Variants in SEMA6D observed in about 807,000 individuals in gnomAD.
SEMA6D encodes the protein semaphorin 6D.
Under a neutral mutation model 106.6 loss-of-function variants are expected in SEMA6D, and 35 were observed. The ratio of observed to expected loss-of-function variants is 0.33; its 90% CI spans 0.25 to 0.44. The LOEUF is 0.44. SEMA6D is among the 20% of genes least tolerant of loss of function. SEMA6D has a pLI of 1.00. For synonymous variants in SEMA6D, 499 were observed against 487.7 expected (o/e 1.02, Z -0.31); for missense variants, 1,185 against 1,345.9 (o/e 0.88, Z 1.87).
chr15:47,578,224 G>A (rs2076190806), intron 3 of SEMA6D, among the ~76,000 whole-genome samples: 1 of 152,292 alleles, frequency 6.6e-6, no homozygotes, highest in Middle Eastern at 3.4e-3. Flanking sequence ...TTCAGCTAAT[G>A]AGTCTTACAT....
At chr15:47,250,931 G>T (rs1028217269) in intron 1 of SEMA6D, among the ~76,000 whole-genome samples, 3 of 152,208 alleles carry the variant, frequency 2.0e-5, no homozygotes, top group Admixed American at 6.5e-5. Context: ...GGTTTATAAT[G>T]TAGAAAGATA....
chr15:47,277,509 C>CTG (rs1332518698), intron 1 of SEMA6D, among the ~76,000 whole-genome samples: 1 of 151,800 alleles, frequency 6.6e-6, no homozygotes, highest in African/African-American at 2.4e-5. Flanking sequence ...AGCAGAAAGA[C>CTG]TGTGACTCAG....
intron 1 of SEMA6D, among the ~76,000 whole-genome samples, chr15:47,396,965 A>G (rs1292861850): frequency 6.6e-6 from 1 of 152,162 alleles, no homozygotes; most frequent in Non-Finnish European, 1.5e-5. Flanking sequence ...AACCTCCCTT[A>G]CAAAACACAA....
intron 4 of SEMA6D, among the ~76,000 whole-genome samples, chr15:47,637,714 C>T (rs868843885): frequency 1.5e-4 from 23 of 152,168 alleles, no homozygotes; most frequent in Admixed American, 4.6e-4. Context: ...AGTAGTGGCC[C>T]AATACAAGTA....
chr15:47,362,029 T>C (rs1326755418), intron 1 of SEMA6D, among the ~76,000 whole-genome samples: 1 of 152,240 alleles, frequency 6.6e-6, no homozygotes, highest in African/African-American at 2.4e-5. Flanking sequence ...AAATGTGTTC[T>C]CCGTTTATTA....
At chr15:47,376,018 T>C (rs1436653393) in intron 1 of SEMA6D, among the ~76,000 whole-genome samples, 4 of 152,224 alleles carry the variant, frequency 2.6e-5, no homozygotes, top group Non-Finnish European at 4.4e-5. Context: ...AGGAGTATCC[T>C]ATGTAAAGAA....
intron 2 of SEMA6D, among the ~76,000 whole-genome samples, chr15:47,422,170 C>CTA (rs756772096): frequency 7.6e-6 from 1 of 131,852 alleles, no homozygotes; most frequent in African/African-American, 2.7e-5. Context: ...TTTTGCCCGC[C>CTA]CGCCTGCCTG....
chr15:47,713,260 A>C (rs2079053397), upstream of SEMA6D, among the ~76,000 whole-genome samples: 1 of 152,186 alleles, frequency 6.6e-6, no homozygotes, highest in Non-Finnish European at 1.5e-5. Context: ...AATAATCAAA[A>C]TGACTTTAAA....
chr15:47,498,872 A>G (rs1471428546), intron 3 of SEMA6D, among the ~76,000 whole-genome samples: 1 of 152,178 alleles, frequency 6.6e-6, no homozygotes, highest in African/African-American at 2.4e-5. Flanking sequence ...CAGGGTAGAT[A>G]TTCCAGGTAG....
chr15:47,236,927 G>A (rs1157491886), intron 1 of SEMA6D, among the ~76,000 whole-genome samples: 1 of 152,004 alleles, frequency 6.6e-6, no homozygotes, highest in Admixed American at 6.6e-5. Context: ...ATTTCTGAAG[G>A]GATTTGTTTA....
chr15:47,685,179 C>A (rs1487670481), intron 4 of SEMA6D, among the ~76,000 whole-genome samples: 3 of 152,134 alleles, frequency 2.0e-5, no homozygotes, highest in Non-Finnish European at 4.4e-5. Flanking sequence ...CCATTGTGAG[C>A]ATTAAGTATC....
intron 4 of SEMA6D, among the ~76,000 whole-genome samples, chr15:47,651,198 C>T (rs2077683449): frequency 6.6e-6 from 1 of 152,038 alleles, no homozygotes; most frequent in African/African-American, 2.4e-5. Flanking sequence ...TCGCTTGAGG[C>T]CAGGAATATG....
intron 4 of SEMA6D, chr15:47,603,569 T>C (rs2076710259): frequency 6.6e-6 from 1 of 152,104 alleles, no homozygotes; most frequent in Admixed American, 6.6e-5. Context: ...AAAATAAAGA[T>C]GTTACCATCT....
chr15:47,643,536 T>A (rs1216155955), intron 4 of SEMA6D, among the ~76,000 whole-genome samples: 1 of 152,202 alleles, frequency 6.6e-6, no homozygotes, highest in Non-Finnish European at 1.5e-5. Flanking sequence ...ATTCATTTGG[T>A]CTAGCATGGG....
intron 1 of SEMA6D, among the ~76,000 whole-genome samples, chr15:47,229,686 A>G (rs901954575): frequency 5.9e-5 from 9 of 152,090 alleles, no homozygotes; most frequent in African/African-American, 1.4e-4. Context: ...TATTTGCTGG[A>G]TGATGAAGCT....
chr15:47,703,074 T>A (rs2078845568), intron 4 of SEMA6D, among the ~76,000 whole-genome samples: 1 of 152,232 alleles, frequency 6.6e-6, no homozygotes, highest in Non-Finnish European at 1.5e-5. Context: ...AAAATGTATT[T>A]ATTTATTAAG....
intron 1 of SEMA6D, among the ~76,000 whole-genome samples, chr15:47,375,852 A>T (rs1441035075): frequency 6.6e-6 from 1 of 152,252 alleles, no homozygotes; most frequent in Non-Finnish European, 1.5e-5. Context: ...GTTCTATTGT[A>T]TTAATTGGAA....
At chr15:47,383,848 G>A (rs943810635) in intron 1 of SEMA6D, among the ~76,000 whole-genome samples, 1 of 152,138 alleles carries the variant, frequency 6.6e-6, no homozygotes, top group Admixed American at 6.5e-5. Flanking sequence ...AGAAATTTTA[G>A]CACACATTCA....
intron 3 of SEMA6D, among the ~76,000 whole-genome samples, chr15:47,575,601 C>T (rs1391234701): frequency 3.9e-5 from 6 of 152,130 alleles, no homozygotes; most frequent in African/African-American, 1.4e-4. Context: ...CGCCTGCAGT[C>T]CCATCTACCC....
Sources: gnomAD v4.1 joint callset for allele counts (sites outside exome capture counted in the v4.1 genomes callset) on GRCh38, gnomAD v4.1.1 for gene constraint, MANE v1.5 for transcripts, NCBI Gene and HGNC (gene_info 2026-07-23, HGNC 2026-07-21) for gene names.